Variants in ZNF710 observed in about 807,000 individuals in gnomAD.
ZNF710 encodes zinc finger protein 710.
In ZNF710, 13 loss-of-function variants were observed where a neutral mutation model predicts 50.6. The observed-to-expected ratio is 0.26, with a 90% CI of 0.17 to 0.41. The LOEUF is 0.41. Ranked by LOEUF, ZNF710 falls within the 10% of genes least tolerant of loss-of-function variation. ZNF710 has a pLI of 1.00. For missense variants in ZNF710, 721 were observed against 936.6 expected (o/e 0.77, Z 3.01); for synonymous variants, 383 against 397.0 (o/e 0.96, Z 0.42).
chr15:90,072,877 G>C (rs1006257494), intron 2 of ZNF710, among the ~76,000 whole-genome samples, 194 bp from the exon 3 acceptor site: 4 of 152,206 alleles, frequency 2.6e-5, no homozygotes, highest in African/African-American at 7.2e-5. Context: ...CCTGGAGTAA[G>C]TGGCTCTGCC....
intron 1 of ZNF710, among the ~76,000 whole-genome samples, chr15:90,039,111 T>C (rs1165260315): frequency 6.6e-6 from 1 of 152,086 alleles, no homozygotes; most frequent in African/African-American, 2.4e-5. Context: ...AAACCCCATC[T>C]CTACTAAAAA....
At chr15:90,044,492 C>T (rs537471467) in intron 1 of ZNF710, among the ~76,000 whole-genome samples, 1 of 152,338 alleles carries the variant, frequency 6.6e-6, no homozygotes, top group Admixed American at 6.5e-5. Context: ...ATAACCCTCA[C>T]CAAATAAGGG....
intron 1 of ZNF710, among the ~76,000 whole-genome samples, chr15:90,053,803 G>A (rs1289592806): frequency 6.6e-6 from 1 of 151,980 alleles, no homozygotes. Flanking sequence ...CTCCCAGGGA[G>A]CCCCCCCAAC....
rs775214247 is a variant in ZNF710, at chr15:90,068,365, G to A, written c.1228G>A (p.Val410Ile). 2.5e-5 allele frequency: 41 copies of A among 1,612,396 alleles called. No individual in the cohort carries two copies. Among genetic ancestry groups the A allele is most frequent in the Non-Finnish European group, 2.3e-5 (27 of 1,179,394 alleles). Residue 410 changes from valine (V) to isoleucine (I), a missense_variant, in exon 2 of 5, where the codon GTC becomes ATC. Val to Ile is a conservative substitution (Grantham distance 29, BLOSUM62 3). This residue lies in a region of ZNF710 where 326 missense variants were observed against 522.0 expected (regional missense o/e 0.62). Coordinates refer to ENST00000268154, the MANE Select transcript of ZNF710 (RefSeq NM_198526.4). This position sits in a 1 kb window ranked among gnomAD's most constrained non-coding sequence, Gnocchi z 5.0. ...TGAGAGTGGCCGCTGCCATGTCTGC[G>A]TCGAGTGCGGCCTGGACTTCTCCAC... ...KHESGRCHVC[V>I]ECGLDFSTLT... is the part of the protein sequence containing the mutation.
intron 1 of ZNF710, among the ~76,000 whole-genome samples, chr15:90,036,519 T>C (rs905316781): frequency 7.2e-5 from 11 of 152,044 alleles, no homozygotes; most frequent in Middle Eastern, 3.2e-3. Context: ...TGAATTCTCA[T>C]TGTGAGCATT....
Position 90,010,933 on chromosome 15 carries a change from T to G in ZNF710, c.-29+9319T>G, listed in dbSNP as rs563760419. ...TTTATTGTTGTTGGTTTTTTGTTTT[T>G]TTTTTTTTTTTTTTTGAGACGGAGT... On this transcript the variant is annotated intron_variant, in intron 1 of 4. Transcript: ENST00000268154. Among the ~76,000 whole-genome samples the G allele has an allele frequency of 9.5e-4, 137 of 143,574 alleles. 1 individual carries two copies. The highest frequency in any genetic ancestry group is 3.4e-3 in the Middle Eastern group (1 of 290). The allele number at this position is 143,574 out of a possible 152,430, so 94.2% of individuals were successfully genotyped here.
chr15:90,037,532 T>A (rs1001189295), intron 1 of ZNF710, among the ~76,000 whole-genome samples: 6 of 152,062 alleles, frequency 3.9e-5, no homozygotes, highest in African/African-American at 1.4e-4. Flanking sequence ...GGAAACTGAG[T>A]CTCAGTCACC....
intron 1 of ZNF710, chr15:90,045,504 T>C (rs1479976437): frequency 4.1e-6 from 3 of 730,146 alleles, no homozygotes; most frequent in Non-Finnish European, 5.0e-6. Flanking sequence ...GGGAGTCCAC[T>C]CAGGCCAAGG....
chr15:90,012,110 C>A (rs1192036864), intron 1 of ZNF710, among the ~76,000 whole-genome samples: 1 of 151,730 alleles, frequency 6.6e-6, no homozygotes, highest in Non-Finnish European at 1.5e-5. Context: ...GAGGCTGAGG[C>A]ATGAGAATCG....
chr15:90,041,012 A>G (rs1899280044), intron 1 of ZNF710, among the ~76,000 whole-genome samples: 2 of 152,172 alleles, frequency 1.3e-5, no homozygotes, highest in Admixed American at 1.3e-4. Context: ...TTAAAACAAG[A>G]GTTCATTATT....
intron 1 of ZNF710, among the ~76,000 whole-genome samples, chr15:90,005,603 T>C (rs1898120966): frequency 6.6e-6 from 1 of 152,148 alleles, no homozygotes; most frequent in Non-Finnish European, 1.5e-5. Flanking sequence ...CATGCGCCAC[T>C]ACACCCAGCC....
chr15:90,054,860 C>G (rs1375244483), intron 1 of ZNF710, among the ~76,000 whole-genome samples: 2 of 152,174 alleles, frequency 1.3e-5, no homozygotes, highest in African/African-American at 4.8e-5. Context: ...TGCTGCCCCT[C>G]CCCCTCGGAA....
chr15:90,050,695 G>A (rs1238699535), intron 1 of ZNF710, among the ~76,000 whole-genome samples: 3 of 152,132 alleles, frequency 2.0e-5, no homozygotes, highest in East Asian at 1.9e-4. Flanking sequence ...CTGACCCTGC[G>A]GCCCATGCCC....
chr15:90,072,055 C>T, intron 2 of ZNF710, among the ~76,000 whole-genome samples: 1 of 151,886 alleles, frequency 6.6e-6, no homozygotes, highest in Non-Finnish European at 1.5e-5. Flanking sequence ...CCTCTTGCCT[C>T]AGCCTCCCAA....
chr15:90,039,220 A>G (rs1024909833), intron 1 of ZNF710, among the ~76,000 whole-genome samples: 1 of 152,036 alleles, frequency 6.6e-6, no homozygotes, highest in Non-Finnish European at 1.5e-5. Flanking sequence ...TGGAGGTTGC[A>G]GTGAGCTGAG....
upstream of ZNF710, among the ~76,000 whole-genome samples, chr15:89,999,908 G>A (rs183934528): frequency 6.6e-6 from 1 of 152,094 alleles, no homozygotes; most frequent in African/African-American, 2.4e-5. Context: ...GATGCAGCCG[G>A]GAGGAAGGAA....
In ZNF710 at chr15:90,067,813, C is replaced by G. The variant is rs371336053; in HGVS notation, c.676C>G (p.Leu226Val). 7.6e-6 allele frequency: 12 copies of G among 1,583,770 alleles called. No homozygotes were observed. The African/African-American group carries it at 1.6e-4, about 21-fold the overall frequency. ...CGFEPPHLAP[L>V]SDPEAPSMES... ...GTTCGAGCCACCCCACCTGGCCCCC[C>G]TGAGTGACCCCGAGGCCCCCAGCAT... is the stretch of plus-strand genomic sequence containing the variant. The change falls in exon 2 of 5, where the codon CTG becomes GTG. Residue 226 changes from leucine (L) to valine (V), a missense_variant. Leu to Val is a conservative substitution (Grantham distance 32). Coordinates refer to ENST00000268154, the MANE Select transcript of ZNF710 (RefSeq NM_198526.4). This position sits in a 1 kb window ranked among gnomAD's most constrained non-coding sequence, Gnocchi z 8.1.
chr15:90,008,422 G>GTATATATATATATACATA lies in ZNF710; in HGVS notation c.-29+6809_-29+6810insATATATATATATACATAT, dbSNP rs1567218312. Among the ~76,000 whole-genome samples, 23 of 126,972 alleles carry GTATATATATATATACATA rather than the reference G, an allele frequency of 1.8e-4. 1 individual carries two copies. The highest frequency in any genetic ancestry group is 8.1e-4 in the African/African-American group (22 of 27,188). 83.3% of individuals were successfully genotyped at this position (126,972 alleles called of 152,430 possible). A position where few individuals can be genotyped will look rare whatever the true frequency, so the allele number is the denominator to read the frequency against. ...GTATATAGTATACGTGTGTGTGTGT[G>GTATATATATATATACATA]TGTGTATATATATATATACATATAT... On this transcript the variant is annotated intron_variant, in intron 1 of 4. Transcript: ENST00000268154.
intron 4 of ZNF710, among the ~76,000 whole-genome samples, chr15:90,078,304 G>C (rs1474082099): frequency 6.6e-6 from 1 of 152,120 alleles, no homozygotes; most frequent in Non-Finnish European, 1.5e-5. Flanking sequence ...GTGACATCAG[G>C]GTGAGGCTTC....
Sources: allele counts gnomAD v4.1 joint callset (sites outside exome capture counted in the v4.1 genomes callset), GRCh38; gene constraint gnomAD v4.1.1; regional missense constraint gnomAD v4.1.1; non-coding constraint Gnocchi (gnomAD v3.1); transcripts MANE v1.5; gene names NCBI Gene and HGNC (gene_info 2026-07-23, HGNC 2026-07-21).